The following PDE4D variants were observed in gnomAD, a reference collection of about 807,000 sequenced individuals.
PDE4D encodes 3',5'-cyclic-AMP phosphodiesterase 4D.
A neutral mutation model predicts 87.4 loss-of-function variants in PDE4D; 24 were observed. The observed-to-expected ratio is 0.27, with a 90% CI of 0.20 to 0.39. The LOEUF (loss-of-function observed/expected upper bound fraction) is 0.39. Ranked by LOEUF, PDE4D falls within the 10% of genes least tolerant of loss-of-function variation. PDE4D has a pLI of 1.00. For synonymous variants in PDE4D, 384 were observed against 383.2 expected (o/e 1.00, Z -0.02); for missense variants, 714 against 1,041.0 (o/e 0.69, Z 4.32).
intron 1 of PDE4D, among the ~76,000 whole-genome samples, chr5:60,233,241 C>T (rs1746022948): frequency 6.6e-6 from 1 of 151,206 alleles, no homozygotes; most frequent in Non-Finnish European, 1.5e-5. Context: ...ACTTATGATC[C>T]ATTCTTGTCA....
At chr5:60,171,271 A>T (rs1213725199) in intron 2 of PDE4D, among the ~76,000 whole-genome samples, 1 of 152,074 alleles carries the variant, frequency 6.6e-6, no homozygotes. Flanking sequence ...GAAATAAAAC[A>T]TATTTCTAGG....
At chr5:59,384,995 G>T (rs1786684888) in intron 1 of PDE4D, among the ~76,000 whole-genome samples, 1 of 151,618 alleles carries the variant, frequency 6.6e-6, no homozygotes, top group African/African-American at 2.4e-5. Flanking sequence ...CTTCTGTTTT[G>T]CTAGTAGTTA....
intron 1 of PDE4D, among the ~76,000 whole-genome samples, chr5:59,288,102 A>T (rs1218343333): frequency 1.3e-5 from 2 of 152,120 alleles, no homozygotes; most frequent in Non-Finnish European, 2.9e-5. Context: ...GGAAAACATG[A>T]CATCACCAAA....
At chr5:59,959,426 G>A (rs1045684405) in intron 3 of PDE4D, among the ~76,000 whole-genome samples, 1 of 152,010 alleles carries the variant, frequency 6.6e-6, no homozygotes. Flanking sequence ...TAAAGAAAAA[G>A]AACAAAGCCA....
At chr5:59,792,502 C>G (rs2152649537) in intron 1 of PDE4D, among the ~76,000 whole-genome samples, 1 of 150,164 alleles carries the variant, frequency 6.7e-6, no homozygotes, top group African/African-American at 2.5e-5. Flanking sequence ...AAAGCACTAA[C>G]AAGGGTGGCC....
chr5:59,084,930 C>T (rs73093351), intron 5 of PDE4D, among the ~76,000 whole-genome samples: 2,057 of 151,988 alleles, frequency 0.014, 33 homozygotes, highest in East Asian at 0.043. Context: ...AATATAGCAA[C>T]GGAAATAATG....
chr5:59,840,801 A>G (rs1173789901), intron 1 of PDE4D, among the ~76,000 whole-genome samples: 1 of 152,096 alleles, frequency 6.6e-6, no homozygotes, highest in East Asian at 1.9e-4. Flanking sequence ...CTTTCTGGAA[A>G]TGTGAAATAT....
intron 1 of PDE4D, among the ~76,000 whole-genome samples, chr5:59,447,309 G>A (rs1371938427): frequency 6.6e-6 from 1 of 152,174 alleles, no homozygotes; most frequent in Non-Finnish European, 1.5e-5. Context: ...TACTCCATGT[G>A]CAAGATTGCT....
intron 2 of PDE4D, among the ~76,000 whole-genome samples, chr5:60,151,878 T>C (rs1781538870): frequency 6.6e-6 from 1 of 152,234 alleles, no homozygotes; most frequent in African/African-American, 2.4e-5. Context: ...GCTGTAGACT[T>C]GTCAAAAATA....
chr5:59,058,739 A>AACAG (rs758859319), intron 5 of PDE4D, among the ~76,000 whole-genome samples: 13 of 151,990 alleles, frequency 8.6e-5, no homozygotes, highest in Non-Finnish European at 1.9e-4. Flanking sequence ...CTCCCAACAG[A>AACAG]ACAGACACCT....
At chr5:59,588,587 G>A (rs1825523482) in intron 1 of PDE4D, among the ~76,000 whole-genome samples, 1 of 152,140 alleles carries the variant, frequency 6.6e-6, no homozygotes. Flanking sequence ...ATTGGGTGGA[G>A]GGCATGTCCC....
intron 1 of PDE4D, among the ~76,000 whole-genome samples, chr5:59,695,810 C>T (rs1466257775): frequency 1.3e-5 from 2 of 151,516 alleles, no homozygotes; most frequent in South Asian, 2.1e-4. Context: ...GGTTTCACCA[C>T]GTTGCTCAGG....
chr5:59,660,126 C>G (rs1364465737), intron 1 of PDE4D, among the ~76,000 whole-genome samples: 2 of 152,004 alleles, frequency 1.3e-5, no homozygotes, highest in South Asian at 2.1e-4. Context: ...CAGAGGCTGG[C>G]TGCATTGAGT....
At chr5:60,329,552 T>C (rs1183300589) in intron 1 of PDE4D, among the ~76,000 whole-genome samples, 4 of 152,206 alleles carry the variant, frequency 2.6e-5, no homozygotes, top group African/African-American at 9.6e-5. Flanking sequence ...AATTTCACCA[T>C]CAGTTCTACC....
chr5:59,626,921 G>C (rs1830967406), intron 1 of PDE4D, among the ~76,000 whole-genome samples: 1 of 152,076 alleles, frequency 6.6e-6, no homozygotes, highest in Non-Finnish European at 1.5e-5. Flanking sequence ...TGATAAATAT[G>C]CTCCTACTTT....
At position 60,431,477 on chromosome 5, in the gene PDE4D, C is replaced by T. The variant is rs996768755; in HGVS notation, c.-90+56465G>A. Reference sequence around the variant, plus strand: ...CTCTCCCCACATCTCAGACGATGGGCGGCCGGGCAGAGACGCTCCTCACTT... The same window carrying T: ...CTCTCCCCACATCTCAGACGATGGGTGGCCGGGCAGAGACGCTCCTCACTT... On this transcript the variant is annotated intron_variant, in intron 1 of 16. Transcript: ENST00000502484. 2.6e-5 allele frequency among the ~76,000 whole-genome samples: 4 copies of T among 151,090 alleles called. No homozygotes were observed. The East Asian group carries it at 5.9e-4, about 22-fold the overall frequency.
At chr5:59,662,876 T>A (rs542893116) in intron 1 of PDE4D, among the ~76,000 whole-genome samples, 3 of 152,284 alleles carry the variant, frequency 2.0e-5, no homozygotes, top group African/African-American at 7.2e-5. Flanking sequence ...GTTTTGTAAA[T>A]TGCAGCTATT....
chr5:59,612,265 G>GA (rs1218786063), intron 1 of PDE4D, among the ~76,000 whole-genome samples: 11 of 150,292 alleles, frequency 7.3e-5, no homozygotes, highest in Admixed American at 7.3e-4. Flanking sequence ...TTTAGATTTG[G>GA]AAAAAAATTA....
At chr5:58,979,032 G>A (rs1033782345) in intron 11 of PDE4D, among the ~76,000 whole-genome samples, 1 of 152,180 alleles carries the variant, frequency 6.6e-6, no homozygotes, top group South Asian at 2.1e-4. Flanking sequence ...GACAAGCAGT[G>A]TTAACAGAAT....
Sources: gnomAD v4.1 joint callset for allele counts (sites outside exome capture counted in the v4.1 genomes callset) on GRCh38, gnomAD v4.1.1 for gene constraint, MANE v1.5 for transcripts, NCBI Gene and HGNC (gene_info 2026-07-23, HGNC 2026-07-21) for gene names.